NELL1: variants seen among roughly 807,000 people sequenced by gnomAD.
The protein encoded by NELL1 is neural EGFL like 1.
A neutral mutation model predicts 107.4 loss-of-function variants in NELL1; 76 were observed. The observed-to-expected ratio is 0.71, with a 90% CI of 0.59 to 0.86. The LOEUF is 0.86. NELL1 is among the 40% of genes least tolerant of loss of function. The probability of loss-of-function intolerance (pLI) is 0.00; values close to 1 mark genes in which losing one functional copy is unlikely to be tolerated. For synonymous variants in NELL1, 353 were observed against 341.2 expected (o/e 1.03, Z -0.38); for missense variants, 1,024 against 1,005.5 (o/e 1.02, Z -0.25).
Position 20,766,384 on chromosome 11 carries a change from A to G in NELL1, c.185-17296A>G, listed in dbSNP as rs114912435. On this transcript the variant is annotated intron_variant, in intron 2 of 19. Coordinates refer to ENST00000357134, the MANE Select transcript of NELL1 (RefSeq NM_006157.5). ...TGACTGGGCATGAGCTGCTTGTTTTATTGGAAAGGAAAGACACAAGGTGGT... is the reference window on the plus strand; with the variant it reads ...TGACTGGGCATGAGCTGCTTGTTTTGTTGGAAAGGAAAGACACAAGGTGGT... Among the ~76,000 whole-genome samples, 52 of 152,304 alleles carry G rather than the reference A, an allele frequency of 3.4e-4. 1 individual carries two copies. Among genetic ancestry groups the G allele is most frequent in the African/African-American group, 1.1e-3 (45 of 41,564 alleles).
Position 21,484,955 on chromosome 11 carries a change from G to T in NELL1, c.1646-49419G>T, listed in dbSNP as rs141603549. Among the ~76,000 whole-genome samples the T allele has an allele frequency of 5.2e-3, 799 of 152,222 alleles. 5 individuals carry two copies. The highest frequency in any genetic ancestry group is 0.016 in the African/African-American group (682 of 41,540). On this transcript the variant is annotated intron_variant, in intron 15 of 19. Transcript: ENST00000357134. Reference sequence around the variant, plus strand: ...TAACCAAGAAGTGACCAGAAACACTGAAAGCAAAGGAGAGGGAAATAGGCA... The same window carrying T: ...TAACCAAGAAGTGACCAGAAACACTTAAAGCAAAGGAGAGGGAAATAGGCA...
In NELL1 at chr11:21,176,635, G is replaced by A. The variant is rs551407390; in HGVS notation, c.1427-52697G>A. On this transcript the variant is annotated intron_variant, in intron 13 of 19. Transcript: ENST00000357134. Reference sequence around the variant, plus strand: ...CACAAAATTAAGGGAAAAACTGAAGGATTCTTTACACAAGAGAAGGAGGTG... The same window carrying A: ...CACAAAATTAAGGGAAAAACTGAAGAATTCTTTACACAAGAGAAGGAGGTG... 9.6e-4 allele frequency among the ~76,000 whole-genome samples: 146 copies of A among 151,910 alleles called. 4 individuals are homozygous for A. Among genetic ancestry groups the A allele is most frequent in the African/African-American group, 3.4e-3 (141 of 41,226 alleles).
intron 13 of NELL1, among the ~76,000 whole-genome samples, chr11:21,164,135 A>G (rs570768648): frequency 6.6e-6 from 1 of 152,290 alleles, no homozygotes; most frequent in South Asian, 2.1e-4. Context: ...CTGTGGGAAT[A>G]TAAGTTTCTG....
At chr11:21,080,599 A>C (rs534508622) in intron 12 of NELL1, among the ~76,000 whole-genome samples, 1 of 152,118 alleles carries the variant, frequency 6.6e-6, no homozygotes, top group Admixed American at 6.6e-5. Context: ...TGAATCTTTT[A>C]GGTTTTTTCC....
intron 2 of NELL1, among the ~76,000 whole-genome samples, chr11:20,736,868 C>T (rs1253772120): frequency 6.6e-6 from 1 of 151,880 alleles, no homozygotes; most frequent in African/African-American, 2.4e-5. Context: ...AATTCTCCTG[C>T]CTCAGCCTCC....
At chr11:21,399,408 A>C (rs8181560) in intron 15 of NELL1, among the ~76,000 whole-genome samples, 88,456 of 151,468 alleles carry the variant, frequency 0.58, 26,130 homozygotes, top group South Asian at 0.64. Flanking sequence ...CAGACACAGG[A>C]ACACCTTTGA....
rs566565886 is a variant in NELL1, at chr11:20,957,374, A to T, written c.1172-3058A>T. Among the ~76,000 whole-genome samples, 253 of 152,342 alleles carry T rather than the reference A, an allele frequency of 1.7e-3. 1 individual carries two copies. The highest frequency in any genetic ancestry group is 5.8e-3 in the African/African-American group (242 of 41,584). On this transcript the variant is annotated intron_variant, in intron 11 of 19. Coordinates refer to ENST00000357134, the MANE Select transcript of NELL1 (RefSeq NM_006157.5). Reference sequence around the variant, plus strand: ...TAAGACAAAAATGTAGTTGAAAGTCATCTTGGGTTGATAGTTCCCTCAGAC... The same window carrying T: ...TAAGACAAAAATGTAGTTGAAAGTCTTCTTGGGTTGATAGTTCCCTCAGAC...
chr11:21,289,393 C>T (rs754431861), intron 14 of NELL1, among the ~76,000 whole-genome samples: 1 of 152,164 alleles, frequency 6.6e-6, no homozygotes, highest in African/African-American at 2.4e-5. Context: ...GGTTCCTCAC[C>T]TGGGAAGTGC....
At chr11:20,946,853 T>A (rs1850972527) in intron 10 of NELL1, among the ~76,000 whole-genome samples, 1 of 152,226 alleles carries the variant, frequency 6.6e-6, no homozygotes, top group Non-Finnish European at 1.5e-5. Context: ...AAGGAAGATT[T>A]GCTGTCTATC....
intron 14 of NELL1, among the ~76,000 whole-genome samples, chr11:21,320,151 T>C (rs568177758): frequency 6.6e-6 from 1 of 152,246 alleles, no homozygotes; most frequent in African/African-American, 2.4e-5. Flanking sequence ...TCCCTTTTTC[T>C]TCTTCTCCTG....
intron 15 of NELL1, among the ~76,000 whole-genome samples, chr11:21,505,391 T>C (rs1188348017): frequency 6.6e-6 from 1 of 151,780 alleles, no homozygotes. Flanking sequence ...CCTTACTGCT[T>C]CTGAAAAAAA....
intron 15 of NELL1, among the ~76,000 whole-genome samples, chr11:21,466,158 C>T (rs1216932554): frequency 6.6e-6 from 1 of 152,136 alleles, no homozygotes; most frequent in Non-Finnish European, 1.5e-5. Context: ...GTTTAAGACT[C>T]TATTAGCAAT....
chr11:20,960,392 T>G lies in NELL1; in HGVS notation c.1172-40T>G, dbSNP rs376509880. 1.1e-5 allele frequency: 18 copies of G among 1,601,898 alleles called. No homozygotes were observed. The African/African-American group carries it at 2.3e-4, about 20-fold the overall frequency. ...CTTTATTTTGGGGAGTTACTTTATT[T>G]CCTCCTTTTCTGATGTACGTTTTTA... On this transcript the variant is annotated intron_variant, in intron 11 of 19. Transcript: ENST00000357134.
intron 15 of NELL1, among the ~76,000 whole-genome samples, chr11:21,481,503 C>A (rs1023537404): frequency 6.6e-6 from 1 of 152,168 alleles, no homozygotes. Context: ...AAAGTGGAAA[C>A]ACACCCTTAT....
At chr11:21,066,973 A>G (rs1224194901) in intron 12 of NELL1, among the ~76,000 whole-genome samples, 3 of 137,448 alleles carry the variant, frequency 2.2e-5, no homozygotes, top group African/African-American at 3.2e-5. Context: ...TAAAAAGTAA[A>G]TAAATAAATA....
chr11:21,353,622 G>C (rs774303568), intron 14 of NELL1, among the ~76,000 whole-genome samples: 2 of 152,136 alleles, frequency 1.3e-5, no homozygotes, highest in African/African-American at 4.8e-5. Flanking sequence ...CAGTGCCAGC[G>C]GCTGTGTGCA....
At chr11:21,448,865 T>C (rs1317558875) in intron 15 of NELL1, among the ~76,000 whole-genome samples, 2 of 152,206 alleles carry the variant, frequency 1.3e-5, no homozygotes, top group Non-Finnish European at 2.9e-5. Flanking sequence ...TTATTCTAGA[T>C]TGTATATGTT....
intron 14 of NELL1, among the ~76,000 whole-genome samples, chr11:21,254,370 A>T (rs983842469): frequency 2.0e-5 from 3 of 152,174 alleles, no homozygotes; most frequent in Non-Finnish European, 2.9e-5. Context: ...TGGAAATTGC[A>T]CCATCAGAAT....
chr11:20,755,559 T>TATTTATTTTTTTTTTTTA (rs1554914196), intron 2 of NELL1, among the ~76,000 whole-genome samples: 2 of 17,668 alleles, frequency 1.1e-4, no homozygotes, highest in African/African-American at 2.1e-4. Context: ...TGTTTTTGTT[T>TATTTATTTTTTTTTTTTA]TTGTTTTTTT....
Sources: gnomAD v4.1 joint callset for allele counts (sites outside exome capture counted in the v4.1 genomes callset) on GRCh38, gnomAD v4.1.1 for gene constraint, MANE v1.5 for transcripts, NCBI Gene and HGNC (gene_info 2026-07-23, HGNC 2026-07-21) for gene names.